Variants in RABAC1 observed in about 807,000 individuals in gnomAD.
RABAC1 encodes the protein Rab acceptor 1.
RABAC1 carries 16 observed loss-of-function variants against 22.9 expected under a neutral mutation model. That is an observed-to-expected ratio of 0.70 (90% confidence interval 0.47 to 1.06). The LOEUF is 1.06. Ranked by LOEUF, RABAC1 falls within the 50% of genes least tolerant of loss-of-function variation. RABAC1 has a pLI of 0.00. For synonymous variants in RABAC1, 139 were observed against 107.7 expected (o/e 1.29, Z -1.80); for missense variants, 227 against 246.5 (o/e 0.92, Z 0.53).
At chr19:41,957,227 A>C (rs1555856845) in intron 3 of RABAC1, 108 bp from the exon 4 acceptor site, 2 of 927,172 alleles carry the variant, frequency 2.2e-6, no homozygotes, top group African/African-American at 3.3e-5. Context: ...CTCGGGATCG[A>C]ATCCAAACTC....
chr19:41,956,937 G>A lies in RABAC1; in HGVS notation c.470-3C>T. ...GCCGATGACCACCAGGGTGGCTCCT[G>A]CAGGAAAGCCGGCAGCTCAGGGCCA... On this transcript the variant is annotated splice_polypyrimidine_tract_variant and splice_region_variant and intron_variant, in intron 4 of 4. Transcript: ENST00000222008. 6.2e-7 allele frequency: 1 copy of A among 1,612,320 alleles called. No homozygotes were observed. The highest frequency in any genetic ancestry group is 8.5e-7 in the Non-Finnish European group (1 of 1,179,036).
At chr19:41,958,645 G>C in intron 2 of RABAC1, 91 bp downstream of exon 2, 1 of 1,377,584 alleles carries the variant, frequency 7.3e-7, no homozygotes, top group East Asian at 2.5e-5. Flanking sequence ...TGAGAGGAGG[G>C]ACCGGGCGGT....
chr19:41,958,768 C>T lies in RABAC1; in HGVS notation c.237G>A (p.Val79=), dbSNP rs2075001958. The T allele has an allele frequency of 6.2e-7, 1 of 1,613,174 alleles. No homozygotes were observed. Among genetic ancestry groups the T allele is most frequent in the South Asian group, 1.1e-5 (1 of 91,064 alleles). ...ACAGGATGAGGCCCAGGAACACGAA[C>T]ACATAGTTGCTCTGGTAGTACTCCA... ...RNVEYYQSNY[V]FVFLGLILYC... The change falls in exon 2 of 5, where the codon GTG becomes GTA. Residue 79 remains valine (V), a synonymous_variant. Transcript: ENST00000222008.
intron 3 of RABAC1, among the ~76,000 whole-genome samples, chr19:41,957,657 C>G (rs2074996058): frequency 6.6e-6 from 1 of 152,206 alleles, no homozygotes. Context: ...TCCCTCCACC[C>G]CAGCCCATCA....
chr19:41,958,266 C>G lies in RABAC1; in HGVS notation c.367+20G>C. ...AAGATTTGAGGGACCAAGGATTCATCTGGGCAGGGGGTTTCTCACCAAAGA... is the reference window on the plus strand; with the variant it reads ...AAGATTTGAGGGACCAAGGATTCATGTGGGCAGGGGGTTTCTCACCAAAGA... On this transcript the variant is annotated intron_variant, in intron 3 of 4. Coordinates refer to ENST00000222008, the MANE Select transcript of RABAC1 (RefSeq NM_006423.3). The G allele has an allele frequency of 2.5e-6, 4 of 1,594,260 alleles. No individual in the cohort carries two copies. Among genetic ancestry groups the G allele is most frequent in the Non-Finnish European group, 3.4e-6 (4 of 1,165,558 alleles).
At chr19:41,958,017 T>G in intron 3 of RABAC1, 12 of 376,498 alleles carry the variant, frequency 3.2e-5, no homozygotes, top group East Asian at 1.1e-4. Flanking sequence ...AGGGGAGGAG[T>G]CATGTGGTTT....
rs782314418 is a variant in RABAC1, at chr19:41,958,864, G to A, written c.141C>T (p.Thr47=). The A allele has an allele frequency of 3.6e-5, 58 of 1,605,756 alleles. No homozygotes were observed. The South Asian group carries it at 4.5e-4, about 13-fold the overall frequency. Residue 47 remains threonine, a synonymous_variant, in exon 2 of 5, where the codon ACC becomes ACT. Coordinates refer to ENST00000222008, the MANE Select transcript of RABAC1 (RefSeq NM_006423.3). ...RRRATIRPWS[T]FVDQQRFSRP... ...GTGAGAAGCGCTGCTGGTCCACGAA[G>A]GTGCTCCAGGGCCGGATGGTCGCGC...
chr19:41,958,473 C>A, intron 2 of RABAC1, 90 bp from the exon 3 acceptor site: 1 of 1,288,250 alleles, frequency 7.8e-7, no homozygotes, highest in Non-Finnish European at 1.1e-6. Context: ...GGGCGGCAAG[C>A]TACATCCTGG....
intron 2 of RABAC1, 115 bp downstream of exon 2, chr19:41,958,621 A>C: frequency 8.4e-7 from 1 of 1,197,238 alleles, no homozygotes; most frequent in Non-Finnish European, 1.2e-6. Context: ...CGGTGAGAAG[A>C]GGGCCCTGGG....
At position 41,956,910 on chromosome 19, in the gene RABAC1, G is replaced by C; in HGVS notation, c.494C>G (p.Ser165Cys). Residue 165 changes from serine (S) to cysteine (C), a missense_variant, in exon 5 of 5, where the codon TCC (serine) becomes TGC (cysteine). Coordinates refer to ENST00000222008, the MANE Select transcript of RABAC1 (RefSeq NM_006423.3). Reference protein sequence around the residue: ...VLGATLVVIGSHAAFHQIEAV... With the variant: ...VLGATLVVIGCHAAFHQIEAV... ...CTCAATCTGGTGGAAGGCAGCGTGGGAGCCGATGACCACCAGGGTGGCTCC... is the reference window on the plus strand; with the variant it reads ...CTCAATCTGGTGGAAGGCAGCGTGGCAGCCGATGACCACCAGGGTGGCTCC... 6.2e-7 allele frequency: 1 copy of C among 1,612,752 alleles called. No homozygotes were observed. The highest frequency in any genetic ancestry group is 8.5e-7 in the Non-Finnish European group (1 of 1,179,466).
At chr19:41,959,173 G>C (rs369573017) in intron 1 of RABAC1, 64 bp downstream of exon 1, 2 of 1,602,184 alleles carry the variant, frequency 1.2e-6, no homozygotes, top group Admixed American at 1.7e-5. Context: ...GGAGGAGGGA[G>C]GAGGGGGCCG....
intron 3 of RABAC1, 78 bp from the exon 4 acceptor site, chr19:41,957,197 A>G (rs2074994040): frequency 8.3e-7 from 1 of 1,210,216 alleles, no homozygotes; most frequent in Non-Finnish European, 1.2e-6. Flanking sequence ...CCCCCCAACA[A>G]TCCGTACAAG....
Position 41,957,103 on chromosome 19 carries a change from T to A in RABAC1, c.384A>T (p.Pro128=). Residue 128 remains proline (P), a synonymous_variant, in exon 4 of 5, where the codon CCA becomes CCT. Transcript: ENST00000222008. ...KLVLFGREVS[P]AHQYALAGGI... is the part of the protein sequence containing the mutation. ...CTCCAGCCAGAGCATACTGATGCGCTGGGCTCACCTCTCGGCCTGGGGGCA... is the reference window on the plus strand; with the variant it reads ...CTCCAGCCAGAGCATACTGATGCGCAGGGCTCACCTCTCGGCCTGGGGGCA... 6.2e-7 allele frequency: 1 copy of A among 1,613,734 alleles called. No homozygotes were observed. Among genetic ancestry groups the A allele is most frequent in the Non-Finnish European group, 8.5e-7 (1 of 1,179,984 alleles).
At chr19:41,958,071 G>C (rs1482096076) in intron 3 of RABAC1, 1 of 534,862 alleles carries the variant, frequency 1.9e-6, no homozygotes, top group Admixed American at 3.1e-5. Context: ...TGGATCCTGG[G>C]TTTGAGGAAT....
At position 41,956,778 on chromosome 19, in the gene RABAC1, C is replaced by T. The variant is rs576634382; in HGVS notation, c.*68G>A. Reference sequence around the variant, plus strand: ...GCGCTGTGGGCCCGAGCAGCAGAGCCGTGCAGGACAGGCATGGGCAGGGGT... The same window carrying T: ...GCGCTGTGGGCCCGAGCAGCAGAGCTGTGCAGGACAGGCATGGGCAGGGGT... On this transcript the variant is annotated 3_prime_UTR_variant, in exon 5 of 5. Coordinates refer to ENST00000222008, the MANE Select transcript of RABAC1 (RefSeq NM_006423.3). The T allele has an allele frequency of 5.3e-5, 75 of 1,413,440 alleles. No homozygotes were observed. Among genetic ancestry groups the T allele is most frequent in the African/African-American group, 3.0e-4 (21 of 70,228 alleles). The allele number at this position is 1,413,440 out of a possible 1,614,324, so 87.6% of individuals were successfully genotyped here. A position where few individuals can be genotyped will look rare whatever the true frequency, so the allele number is the denominator to read the frequency against.
In RABAC1 at chr19:41,958,379, T is replaced by C; in HGVS notation, c.274A>G (p.Thr92Ala). 6.2e-7 allele frequency: 1 copy of C among 1,613,080 alleles called. No individual in the cohort carries two copies. Among genetic ancestry groups the C allele is most frequent in the Non-Finnish European group, 8.5e-7 (1 of 1,179,652 alleles). ...FLGLILYCVVTSPMLLVALAV... is the reference protein window; with the variant it reads ...FLGLILYCVVASPMLLVALAV... Reference sequence around the variant, plus strand: ...AGAGCCACCAGCAACATAGGGGACGTCACCCTGGAGGAGGAGTGCAGGGAG... The same window carrying C: ...AGAGCCACCAGCAACATAGGGGACGCCACCCTGGAGGAGGAGTGCAGGGAG... Residue 92 changes from threonine to alanine, a missense_variant, in exon 3 of 5, where the codon ACG becomes GCG. By Grantham distance (58) the Thr-to-Ala change is moderately conservative. Coordinates refer to ENST00000222008, the MANE Select transcript of RABAC1 (RefSeq NM_006423.3).
rs13493 is a variant in RABAC1, at chr19:41,958,293, C to T, written c.360G>A (p.Val120=). The T allele has an allele frequency of 2.5e-5, 41 of 1,611,406 alleles. No individual in the cohort carries two copies. The highest frequency in any genetic ancestry group is 1.3e-5 in the Non-Finnish European group (15 of 1,178,818). ...LYLRTLESKL[V]LFGREVSPAH... is the part of the protein sequence containing the mutation. ...GGGCAGGGGGTTTCTCACCAAAGAG[C>T]ACAAGCTTGGACTCCAAGGTGCGCA... Residue 120 remains valine, a synonymous_variant, in exon 3 of 5, where the codon GTG becomes GTA. Transcript: ENST00000222008.
Position 41,957,080 on chromosome 19 carries a change from C to G in RABAC1, c.407G>C (p.Gly136Ala). Residue 136 changes from glycine (G) to alanine (A), a missense_variant, in exon 4 of 5, where the codon GGA becomes GCA. Gly to Ala is a moderately conservative substitution (Grantham distance 60). Coordinates refer to ENST00000222008, the MANE Select transcript of RABAC1 (RefSeq NM_006423.3). ...CCAGAAGAAGGGGAAGGAGATGCCT[C>G]CAGCCAGAGCATACTGATGCGCTGG... ...VSPAHQYALA[G>A]GISFPFFWLA... is the part of the protein sequence containing the mutation. 1.2e-6 allele frequency: 2 copies of G among 1,613,844 alleles called. No individual in the cohort carries two copies. Among genetic ancestry groups the G allele is most frequent in the African/African-American group, 2.7e-5 (2 of 75,050 alleles).
In RABAC1 at chr19:41,958,180, G is replaced by T; in HGVS notation, c.367+106C>A. The stretch of plus-strand genomic sequence containing the variant: ...ATCTAGTGTACATCTAGGCTTGGGC[G>T]GACTTGGGTTTTGAAGGACTTGGAT... On this transcript the variant is annotated intron_variant, in intron 3 of 4. Transcript: ENST00000222008. 9.5e-7 allele frequency: 1 copy of T among 1,056,972 alleles called. No homozygotes were observed. The allele number at this position is 1,056,972 out of a possible 1,614,324, so 65.5% of individuals were successfully genotyped here.
Sources: gnomAD v4.1 joint callset for allele counts (sites outside exome capture counted in the v4.1 genomes callset) on GRCh38, gnomAD v4.1.1 for gene constraint, MANE v1.5 for transcripts, NCBI Gene and HGNC (gene_info 2026-07-23, HGNC 2026-07-21) for gene names.